Variants in CA10 observed in about 807,000 individuals in gnomAD.
CA10 encodes the protein carbonic anhydrase 10 (inactive).
CA10 carries 14 observed loss-of-function variants against 44.2 expected under a neutral mutation model. The ratio of observed to expected loss-of-function variants is 0.32; its 90% CI spans 0.21 to 0.50. CA10 has a LOEUF of 0.50. Among genes scored for constraint, CA10 ranks in the 20% least tolerant of loss-of-function variants. CA10 has a pLI of 0.99. For synonymous variants in CA10, 159 were observed against 141.6 expected (o/e 1.12, Z -0.87); for missense variants, 350 against 409.7 (o/e 0.85, Z 1.26).
intron 2 of CA10, among the ~76,000 whole-genome samples, chr17:52,028,901 C>T (rs1330242897): frequency 6.6e-6 from 1 of 152,184 alleles, no homozygotes; most frequent in Non-Finnish European, 1.5e-5. Context: ...TTTACCTTTT[C>T]CCACATAGCT....
At chr17:51,725,879 C>A (rs1340569667) in intron 4 of CA10, among the ~76,000 whole-genome samples, 1 of 152,226 alleles carries the variant, frequency 6.6e-6, no homozygotes, top group Non-Finnish European at 1.5e-5. Context: ...GAGACAGGAA[C>A]CCTGAACTGT....
intron 2 of CA10, among the ~76,000 whole-genome samples, chr17:51,971,616 A>G (rs1472879564): frequency 1.3e-5 from 2 of 151,944 alleles, no homozygotes; most frequent in Non-Finnish European, 2.9e-5. Context: ...AGTTAATCTT[A>G]TTTACTGATT....
chr17:51,782,252 T>C (rs1906092096), intron 3 of CA10, among the ~76,000 whole-genome samples: 1 of 152,244 alleles, frequency 6.6e-6, no homozygotes, highest in African/African-American at 2.4e-5. Flanking sequence ...TTTTGTCATA[T>C]GGGAAAAATG....
At chr17:51,764,544 T>C (rs528220763) in intron 3 of CA10, among the ~76,000 whole-genome samples, 1 of 152,164 alleles carries the variant, frequency 6.6e-6, no homozygotes, top group Non-Finnish European at 1.5e-5. Flanking sequence ...ACATGTAGCT[T>C]CTGAACCTAG....
At chr17:52,037,006 C>A (rs1598179201) in intron 2 of CA10, among the ~76,000 whole-genome samples, 1 of 152,072 alleles carries the variant, frequency 6.6e-6, no homozygotes, top group South Asian at 2.1e-4. Flanking sequence ...AGAAGAGTGG[C>A]ATTCTAAGGT....
At chr17:51,968,079 C>T (rs991313630) in intron 2 of CA10, among the ~76,000 whole-genome samples, 17 of 151,728 alleles carry the variant, frequency 1.1e-4, no homozygotes, top group African/African-American at 3.1e-4. Flanking sequence ...GGTGAGGATA[C>T]GGAGCAAGAG....
intron 1 of CA10, among the ~76,000 whole-genome samples, chr17:52,147,876 T>A (rs531757567): frequency 6.6e-6 from 1 of 152,188 alleles, no homozygotes; most frequent in Non-Finnish European, 1.5e-5. Context: ...AACCCCTTTT[T>A]ATTTTTTTCT....
intron 4 of CA10, among the ~76,000 whole-genome samples, chr17:51,710,384 C>T (rs771062793): frequency 3.9e-5 from 6 of 152,094 alleles, no homozygotes; most frequent in Non-Finnish European, 8.8e-5. Context: ...GCTCCCTGAG[C>T]TGTTTTGACA....
intron 3 of CA10, among the ~76,000 whole-genome samples, chr17:51,889,809 A>G (rs1980777115): frequency 6.6e-6 from 1 of 152,224 alleles, no homozygotes. Flanking sequence ...GGTTTCCATC[A>G]AAGGTAACAA....
chr17:51,702,467 G>GA (rs1337922126), intron 4 of CA10, among the ~76,000 whole-genome samples: 1 of 152,114 alleles, frequency 6.6e-6, no homozygotes, highest in Non-Finnish European at 1.5e-5. Context: ...CAGGCTTGTA[G>GA]AAAATTTTGT....
rs985432854 is a variant in CA10 at position 52,158,306 on chromosome 17, A to G, written c.-520T>C. 3.0e-5 allele frequency: 6 copies of G among 202,182 alleles called. No individual in the cohort carries two copies. In the South Asian group the frequency reaches 3.2e-4, roughly 11 times the overall value. 12.5% of individuals were successfully genotyped at this position (202,182 alleles called of 1,614,324 possible). A position where few individuals can be genotyped will look rare whatever the true frequency, so the allele number is the denominator to read the frequency against. On this transcript the variant is annotated 5_prime_UTR_variant, in exon 1 of 9. Coordinates refer to ENST00000451037, the MANE Select transcript of CA10 (RefSeq NM_020178.5). ...GCAGTCCGCGGCAAGTTGCCCTCGA[A>G]GTCCGCCCCCCTCACCGGGGCATGG...
intron 3 of CA10, among the ~76,000 whole-genome samples, chr17:51,871,379 C>T (rs953057118): frequency 1.3e-4 from 19 of 149,520 alleles, no homozygotes; most frequent in African/African-American, 4.7e-4. Context: ...TTACAGGTGC[C>T]CACCACCAGG....
At chr17:51,681,550 A>T (rs1467885245) in intron 4 of CA10, among the ~76,000 whole-genome samples, 2 of 152,286 alleles carry the variant, frequency 1.3e-5, no homozygotes, top group South Asian at 4.1e-4. Context: ...TCTACCCACT[A>T]GAGACGCCAG....
chr17:51,754,264 G>T (rs955302824), intron 3 of CA10, among the ~76,000 whole-genome samples: 1 of 148,616 alleles, frequency 6.7e-6, no homozygotes. Flanking sequence ...GTTTACTCAG[G>T]GTTCTCTAGA....
chr17:52,026,815 G>C (rs1006882055), intron 2 of CA10, among the ~76,000 whole-genome samples: 1 of 152,112 alleles, frequency 6.6e-6, no homozygotes. Context: ...GGGATTATGG[G>C]AACTACAATT....
intron 4 of CA10, among the ~76,000 whole-genome samples, chr17:51,736,692 C>T (rs1598018197): frequency 6.6e-6 from 1 of 152,288 alleles, no homozygotes; most frequent in Middle Eastern, 3.4e-3. Context: ...GTTTCTTGTG[C>T]TTTGCAGAGG....
chr17:51,784,185 G>A (rs925382692), intron 3 of CA10, among the ~76,000 whole-genome samples: 24 of 152,116 alleles, frequency 1.6e-4, no homozygotes, highest in African/African-American at 5.6e-4. Flanking sequence ...GTGAACTCTG[G>A]GAGTTCTCAG....
chr17:51,786,301 C>T (rs1337138623), intron 3 of CA10, among the ~76,000 whole-genome samples: 1 of 151,798 alleles, frequency 6.6e-6, no homozygotes, highest in Admixed American at 6.6e-5. Context: ...GCTGTAATCC[C>T]AGCACTTTGG....
chr17:52,100,114 A>G (rs1385557336), intron 1 of CA10, among the ~76,000 whole-genome samples: 1 of 152,222 alleles, frequency 6.6e-6, no homozygotes, highest in Non-Finnish European at 1.5e-5. Context: ...CAATTTTTTA[A>G]TAGGAGAACC....
Sources: allele counts gnomAD v4.1 joint callset (sites outside exome capture counted in the v4.1 genomes callset), GRCh38; gene constraint gnomAD v4.1.1; transcripts MANE v1.5; gene names NCBI Gene and HGNC (gene_info 2026-07-23, HGNC 2026-07-21).